Variants in ASPRV1 observed in about 807,000 individuals in gnomAD.
ASPRV1 encodes the protein retroviral-like aspartic protease 1.
Under a neutral mutation model 11.0 loss-of-function variants are expected in ASPRV1, and 7 were observed. The ratio of observed to expected loss-of-function variants is 0.64; its 90% CI spans 0.36 to 1.20. ASPRV1 has a LOEUF of 1.20. Ranked by LOEUF, ASPRV1 falls within the 50% of genes most tolerant of loss-of-function variation. The pLI, the probability that ASPRV1 is intolerant of heterozygous loss-of-function variation, is 0.02. For synonymous variants in ASPRV1, 136 were observed against 138.4 expected, an observed-to-expected ratio of 0.98 and a Z score of 0.12; for missense variants, 299 against 320.0, an observed-to-expected ratio of 0.93 and a Z score of 0.50.
the ASPRV1 span, chr2:69,976,477 G>T: frequency 6.6e-6 from 1 of 152,212 alleles, no homozygotes; most frequent in Non-Finnish European, 1.5e-5. Context: ...CGGGTTCTTG[G>T]ATAGCAGAGA....
At chr2:70,068,785 A>T in the ASPRV1 span, among the ~76,000 whole-genome samples, 1,397 of 144,274 alleles carry the variant, frequency 9.7e-3, 8 homozygotes, top group South Asian at 0.017. Context: ...AAAAAAAAAA[A>T]AATAACAAAA....
At chr2:70,024,016 G>A in the ASPRV1 span, among the ~76,000 whole-genome samples, 3 of 151,036 alleles carry the variant, frequency 2.0e-5, no homozygotes, top group African/African-American at 7.3e-5. Flanking sequence ...TTTAGGAGGC[G>A]AGGACAGGAG....
the ASPRV1 span, among the ~76,000 whole-genome samples, chr2:70,075,773 C>T: frequency 2.0e-5 from 3 of 151,880 alleles, no homozygotes; most frequent in South Asian, 2.1e-4. Context: ...TGCCTGAACC[C>T]GGGAGGCGGA....
chr2:70,046,284 A>T, the ASPRV1 span: 1 of 152,188 alleles, frequency 6.6e-6, no homozygotes, highest in African/African-American at 2.4e-5. Context: ...CACAGCCTTG[A>T]AACAGTGTGC....
At chr2:70,026,413 G>A in the ASPRV1 span, among the ~76,000 whole-genome samples, 4 of 149,162 alleles carry the variant, frequency 2.7e-5, no homozygotes, top group South Asian at 2.1e-4. Flanking sequence ...AGATTGGAAA[G>A]GAAGAAGTCA....
the ASPRV1 span, chr2:69,996,587 T>C: frequency 2.5e-6 from 1 of 399,428 alleles, no homozygotes; most frequent in Admixed American, 3.1e-5. Context: ...AATTTATTCA[T>C]TCCTTCAGGA....
chr2:70,068,946 CA>C, the ASPRV1 span, among the ~76,000 whole-genome samples: 11,144 of 58,924 alleles, frequency 0.19, 587 homozygotes, highest in African/African-American at 0.37. Context: ...ACTCTTGTCT[CA>C]AAAAAAAAAA....
At chr2:69,996,065 G>C in the ASPRV1 span, among the ~76,000 whole-genome samples, 1 of 151,874 alleles carries the variant, frequency 6.6e-6, no homozygotes. Flanking sequence ...CATAGTGCCT[G>C]TTTTCCTTTT....
the ASPRV1 span, among the ~76,000 whole-genome samples, chr2:69,949,053 T>C: frequency 6.6e-6 from 1 of 152,262 alleles, no homozygotes; most frequent in South Asian, 2.1e-4. Flanking sequence ...AAATCGCAGC[T>C]CCCTGGTCAC....
At chr2:70,068,608 C>T in the ASPRV1 span, among the ~76,000 whole-genome samples, 1 of 151,964 alleles carries the variant, frequency 6.6e-6, no homozygotes, top group Non-Finnish European at 1.5e-5. Context: ...GGAAGATCTA[C>T]AAATGAGGAA....
chr2:70,056,590 G>A, the ASPRV1 span: 1 of 94,500 alleles, frequency 1.1e-5, no homozygotes, highest in Non-Finnish European at 1.7e-5. Flanking sequence ...GGGCGACAGA[G>A]CGAGACTCCG....
At chr2:69,971,053 GC>G in the ASPRV1 span, 1 of 152,148 alleles carries the variant, frequency 6.6e-6, no homozygotes, top group East Asian at 1.9e-4. Context: ...TGCAATCCCA[GC>G]TACTTGGGAG....
chr2:70,073,383 G>C, the ASPRV1 span: 2 of 152,080 alleles, frequency 1.3e-5, no homozygotes, highest in Non-Finnish European at 2.9e-5. Flanking sequence ...GTACAACTTA[G>C]TAGCTAAAAG....
the ASPRV1 span, among the ~76,000 whole-genome samples, chr2:69,972,871 C>T: frequency 1.4e-4 from 22 of 152,134 alleles, no homozygotes; most frequent in East Asian, 4.1e-3. Context: ...GTTTTCTTCA[C>T]TTCTCATCCC....
the ASPRV1 span, among the ~76,000 whole-genome samples, chr2:69,980,272 A>G: frequency 6.6e-6 from 1 of 152,250 alleles, no homozygotes; most frequent in Non-Finnish European, 1.5e-5. Flanking sequence ...TGAGAAATCA[A>G]AAACAAAGAA....
the ASPRV1 span, among the ~76,000 whole-genome samples, chr2:70,051,713 C>A: frequency 6.6e-6 from 1 of 152,050 alleles, no homozygotes; most frequent in Non-Finnish European, 1.5e-5. Flanking sequence ...GTGGTTGACA[C>A]CTGTAATCCC....
chr2:70,039,589 G>T, the ASPRV1 span, among the ~76,000 whole-genome samples: 1 of 152,182 alleles, frequency 6.6e-6, no homozygotes, highest in African/African-American at 2.4e-5. Context: ...GCCAGCAGGG[G>T]AGGTGCCAAT....
chr2:70,035,789 C>G, the ASPRV1 span, among the ~76,000 whole-genome samples: 110 of 151,770 alleles, frequency 7.2e-4, no homozygotes, highest in African/African-American at 2.4e-3. Context: ...TAGCTCCTCT[C>G]AGGATCTCTA....
chr2:70,032,356 G>A, the ASPRV1 span: 1 of 152,116 alleles, frequency 6.6e-6, no homozygotes, highest in Admixed American at 6.6e-5. Context: ...ATAGTGATTG[G>A]AGTTAATATT....
Sources: gnomAD v4.1 joint callset for allele counts (sites outside exome capture counted in the v4.1 genomes callset) on GRCh38, gnomAD v4.1.1 for gene constraint, MANE v1.5 for transcripts, NCBI Gene and HGNC (gene_info 2026-07-23, HGNC 2026-07-21) for gene names.